ERC1: variants seen among roughly 807,000 people sequenced by gnomAD.
ERC1 encodes the protein ELKS/RAB6-interacting/CAST family member 1, also known as RAB6 interacting protein 2.
ERC1 carries 56 observed loss-of-function variants against 132.0 expected under a neutral mutation model. The observed-to-expected ratio is 0.42, with a 90% CI of 0.34 to 0.53. ERC1 has a LOEUF of 0.53. Among genes scored for constraint, ERC1 ranks in the 20% least tolerant of loss-of-function variants. The pLI, the probability that ERC1 is intolerant of heterozygous loss-of-function variation, is 0.03. For synonymous variants in ERC1, 478 were observed against 476.1 expected, an observed-to-expected ratio of 1.00 and a Z score of -0.05; for missense variants, 1,202 against 1,349.9, an observed-to-expected ratio of 0.89 and a Z score of 1.72.
chr12:1,235,338 G>A (rs754366848), intron 12 of ERC1, among the ~76,000 whole-genome samples: 4 of 152,226 alleles, frequency 2.6e-5, no homozygotes, highest in Non-Finnish European at 4.4e-5. Flanking sequence ...TAGCCTTGGC[G>A]ACTGAGTGAG....
intron 15 of ERC1, among the ~76,000 whole-genome samples, chr12:1,357,409 G>T (rs1480255196): frequency 2.6e-5 from 4 of 152,302 alleles, no homozygotes; most frequent in African/African-American, 7.2e-5. Flanking sequence ...AATAAACAGT[G>T]GGACAGTGAC....
At chr12:1,410,325 A>G in intron 17 of ERC1, 1 of 667,586 alleles carries the variant, frequency 1.5e-6, no homozygotes, top group Non-Finnish European at 2.4e-6. Context: ...TTAAATACTA[A>G]CCACCTCTTT....
At chr12:1,120,962 A>G (rs918732313) in intron 7 of ERC1, among the ~76,000 whole-genome samples, 1 of 152,176 alleles carries the variant, frequency 6.6e-6, no homozygotes, top group Admixed American at 6.5e-5. Context: ...TCTTCAGCAT[A>G]CTAAGAGTTA....
At chr12:1,177,883 A>T (rs967227645) in intron 8 of ERC1, among the ~76,000 whole-genome samples, 3 of 152,248 alleles carry the variant, frequency 2.0e-5, no homozygotes, top group African/African-American at 7.2e-5. Flanking sequence ...TATATGGAGT[A>T]CTGAATTTTT....
At position 1,398,273 on chromosome 12, in the gene ERC1, C is replaced by T. The variant is rs557917281; in HGVS notation, c.2926-9876C>T. Among the ~76,000 whole-genome samples, 6 of 152,166 alleles carry T rather than the reference C, an allele frequency of 3.9e-5. No homozygotes were observed. In the East Asian group the frequency reaches 7.7e-4, roughly 20 times the overall value. ...TGCTGGAATTGTAGACGTGAGCCACCGTGCCCAGCCCAAATAGATTTTAGA... is the reference window on the plus strand; with the variant it reads ...TGCTGGAATTGTAGACGTGAGCCACTGTGCCCAGCCCAAATAGATTTTAGA... On this transcript the variant is annotated intron_variant, in intron 16 of 18. Transcript: ENST00000360905.
chr12:1,138,194 AT>A (rs1949508383), intron 7 of ERC1, among the ~76,000 whole-genome samples: 2 of 115,106 alleles, frequency 1.7e-5, no homozygotes, highest in Admixed American at 9.8e-5. Flanking sequence ...ATCATATATA[AT>A]TATATATGAT....
chr12:1,464,624 A>G (rs574405838), intron 18 of ERC1, among the ~76,000 whole-genome samples: 91 of 145,862 alleles, frequency 6.2e-4, no homozygotes, highest in African/African-American at 2.0e-3. Context: ...AGTTCAAGCA[A>G]TTCTCCTGCC....
chr12:1,164,486 C>T (rs145841657), intron 8 of ERC1, among the ~76,000 whole-genome samples: 263 of 150,136 alleles, frequency 1.8e-3, no homozygotes, highest in African/African-American at 6.3e-3. Context: ...TGACTACAGG[C>T]GCCCGCCACC....
chr12:1,008,217 GTGA>G (rs1964063036), intron 1 of ERC1, among the ~76,000 whole-genome samples: 1 of 152,208 alleles, frequency 6.6e-6, no homozygotes, highest in African/African-American at 2.4e-5. Flanking sequence ...TAGAGAGATG[GTGA>G]TGTCATTCAT....
intron 15 of ERC1, among the ~76,000 whole-genome samples, chr12:1,343,943 A>G (rs1595124859): frequency 6.6e-6 from 1 of 151,896 alleles, no homozygotes; most frequent in South Asian, 2.1e-4. Context: ...TCAGGTTCAC[A>G]CCATTCTCCT....
chr12:1,210,761 C>G (rs1416354722), intron 12 of ERC1, among the ~76,000 whole-genome samples: 2 of 152,096 alleles, frequency 1.3e-5, no homozygotes, highest in African/African-American at 4.8e-5. Context: ...TTTGGGAGGC[C>G]GAGGCAGATG....
chr12:1,370,462 C>G (rs567095433), intron 15 of ERC1, among the ~76,000 whole-genome samples: 90 of 152,260 alleles, frequency 5.9e-4, no homozygotes, highest in South Asian at 2.1e-3. Context: ...GTTTCTATAT[C>G]CACGTTATTA....
At chr12:1,061,858 G>A (rs1213565569) in intron 2 of ERC1, among the ~76,000 whole-genome samples, 1 of 151,684 alleles carries the variant, frequency 6.6e-6, no homozygotes, top group Non-Finnish European at 1.5e-5. Context: ...GAGATGCATT[G>A]CTAGGTTGTT....
At chr12:1,179,151 C>G (rs1954076097) in intron 8 of ERC1, among the ~76,000 whole-genome samples, 2 of 152,084 alleles carry the variant, frequency 1.3e-5, no homozygotes, top group Non-Finnish European at 2.9e-5. Flanking sequence ...TGATAACATG[C>G]TATTTCCACA....
intron 15 of ERC1, among the ~76,000 whole-genome samples, chr12:1,341,798 C>T (rs2083926933): frequency 6.6e-6 from 1 of 152,084 alleles, no homozygotes; most frequent in Admixed American, 6.5e-5. Flanking sequence ...TACCCTAGAA[C>T]TTAAAGTATA....
chr12:1,054,187 A>G (rs1316511784), intron 2 of ERC1, among the ~76,000 whole-genome samples: 1 of 152,222 alleles, frequency 6.6e-6, no homozygotes, highest in Non-Finnish European at 1.5e-5. Context: ...TCATGTATTC[A>G]AAGTTTGTAC....
intron 14 of ERC1, among the ~76,000 whole-genome samples, chr12:1,267,301 G>A (rs1372555825): frequency 7.2e-5 from 11 of 152,192 alleles, no homozygotes; most frequent in Admixed American, 7.2e-4. Flanking sequence ...TTTAACTTTT[G>A]GTGGGTTTTG....
intron 15 of ERC1, among the ~76,000 whole-genome samples, chr12:1,314,120 A>G (rs2154351263): frequency 6.6e-6 from 1 of 152,252 alleles, no homozygotes; most frequent in African/African-American, 2.4e-5. Flanking sequence ...TTGTATTAGA[A>G]AGATGAGAAG....
chr12:1,117,597 A>G (rs1593405776), intron 7 of ERC1, among the ~76,000 whole-genome samples: 1 of 152,212 alleles, frequency 6.6e-6, no homozygotes, highest in East Asian at 1.9e-4. Context: ...AACGTATTCA[A>G]CTTCCTTACA....
Sources: gnomAD v4.1 joint callset for allele counts (sites outside exome capture counted in the v4.1 genomes callset) on GRCh38, gnomAD v4.1.1 for gene constraint, MANE v1.5 for transcripts, NCBI Gene and HGNC (gene_info 2026-07-23, HGNC 2026-07-21) for gene names.